The following C2orf69 variants were observed in gnomAD, a reference collection of about 807,000 sequenced individuals.
C2orf69 encodes chromosome 2 open reading frame 69, also known as mitochondrial protein C2orf69.
C2orf69 carries 19 observed loss-of-function variants against 29.5 expected under a neutral mutation model. That is an observed-to-expected ratio of 0.65 (90% CI 0.45 to 0.95). The LOEUF (loss-of-function observed/expected upper bound fraction) is 0.95. C2orf69 is among the 40% of genes least tolerant of loss of function. C2orf69 has a pLI of 0.00. For synonymous variants in C2orf69, 194 were observed against 180.0 expected, an observed-to-expected ratio of 1.08 and a Z score of -0.62; for missense variants, 416 against 482.1, an observed-to-expected ratio of 0.86 and a Z score of 1.28.
At chr2:199,922,384 G>A (rs1391073096) in intron 1 of C2orf69, among the ~76,000 whole-genome samples, 5 of 151,922 alleles carry the variant, frequency 3.3e-5, no homozygotes, top group African/African-American at 7.3e-5. Context: ...GTGAACCGCC[G>A]CCCCCAGCCT....
chr2:199,925,814 G>T lies in C2orf69; in HGVS notation c.1086G>T (p.Val362=), dbSNP rs1451180190. 1.2e-6 allele frequency: 2 copies of T among 1,613,696 alleles called. No homozygotes were observed. Among genetic ancestry groups the T allele is most frequent in the East Asian group, 4.5e-5 (2 of 44,870 alleles). The change falls in exon 2 of 2, where the codon GTG becomes GTT. Residue 362 remains valine (V), a synonymous_variant. Coordinates refer to ENST00000319974, the MANE Select transcript of C2orf69 (RefSeq NM_153689.6). The surrounding 1 kb of genome is among the most constrained non-coding windows in gnomAD (Gnocchi z 4.9). Reference sequence around the variant, plus strand: ...TACTTGGGGATCTTGGTATGCAGGTGACTAGCCAAATTCATTTTACAAAGG... The same window carrying T: ...TACTTGGGGATCTTGGTATGCAGGTTACTAGCCAAATTCATTTTACAAAGG... ...VQILGDLGMQ[V]TSQIHFTKEA...
Position 199,925,246 on chromosome 2 carries a change from G to C in C2orf69, c.518G>C (p.Gly173Ala), listed in dbSNP as rs1009579332. 1 of 1,612,170 alleles carries C rather than the reference G, an allele frequency of 6.2e-7. No individual in the cohort carries two copies. The highest frequency in any genetic ancestry group is 1.3e-5 in the African/African-American group (1 of 74,866). ...AATTTTGTGAAAAGTAACATGTTTG[G>C]TGCCCCAGAACACAATACTGACTTT... ...YDNFVKSNMF[G>A]APEHNTDFGA... The change falls in exon 2 of 2, where the codon GGT becomes GCT. Residue 173 changes from glycine (G) to alanine (A), a missense_variant. Transcript: ENST00000319974. The surrounding 1 kb of genome is among the most constrained non-coding windows in gnomAD (Gnocchi z 4.9).
At chr2:199,922,805 C>A (rs2077322083) in intron 1 of C2orf69, among the ~76,000 whole-genome samples, 1 of 152,188 alleles carries the variant, frequency 6.6e-6, no homozygotes, top group African/African-American at 2.4e-5. Context: ...TTTTAACGGT[C>A]TCCTTGCATC....
intron 1 of C2orf69, among the ~76,000 whole-genome samples, chr2:199,915,860 G>A (rs2077290892): frequency 6.6e-6 from 1 of 152,050 alleles, no homozygotes; most frequent in Non-Finnish European, 1.5e-5. Context: ...TTTGGTGTTT[G>A]TTAATTGGAA....
chr2:199,919,220 G>A (rs2077304858), intron 1 of C2orf69, among the ~76,000 whole-genome samples: 1 of 152,238 alleles, frequency 6.6e-6, no homozygotes, highest in Non-Finnish European at 1.5e-5. Context: ...CTCCCAAAGA[G>A]CTGGGATTGC....
At chr2:199,914,656 A>G (rs183388244) in intron 1 of C2orf69, among the ~76,000 whole-genome samples, 1 of 151,878 alleles carries the variant, frequency 6.6e-6, no homozygotes, top group East Asian at 1.9e-4. Flanking sequence ...CCTGTTACCT[A>G]TCTGACTTGG....
chr2:199,916,014 T>C (rs35220450), intron 1 of C2orf69, among the ~76,000 whole-genome samples: 18,959 of 152,226 alleles, frequency 0.12, 1,510 homozygotes, highest in Non-Finnish European at 0.18. Context: ...TAAGGCCATA[T>C]ATATTAGTCC....
intron 1 of C2orf69, among the ~76,000 whole-genome samples, chr2:199,912,330 A>T (rs1442900953): frequency 1.3e-5 from 2 of 152,146 alleles, no homozygotes; most frequent in Admixed American, 1.3e-4. Flanking sequence ...TTGCTTTTGC[A>T]TGTTATGTTT....
At chr2:199,918,531 T>C (rs1351233456) in intron 1 of C2orf69, among the ~76,000 whole-genome samples, 1 of 152,078 alleles carries the variant, frequency 6.6e-6, no homozygotes, top group African/African-American at 2.4e-5. Context: ...CTGGGTAATT[T>C]TTGTATTTTT....
intron 1 of C2orf69, among the ~76,000 whole-genome samples, chr2:199,913,330 T>C (rs2077279241): frequency 9.7e-6 from 1 of 102,802 alleles, no homozygotes; most frequent in Non-Finnish European, 1.8e-5. Context: ...ATATAATATA[T>C]ATTCTATTAT....
Position 199,925,778 on chromosome 2 carries a change from A to G in C2orf69, c.1050A>G (p.Lys350=). The G allele has an allele frequency of 1.2e-6, 2 of 1,613,898 alleles. No individual in the cohort carries two copies. The highest frequency in any genetic ancestry group is 1.7e-6 in the Non-Finnish European group (2 of 1,179,846). ...CTTGGATTGGAAAGGAGCACAAGAA[A>G]TTTGTTCAGATACTTGGGGATCTTG... ...MRSWIGKEHK[K]FVQILGDLGM... Residue 350 remains lysine, a synonymous_variant, in exon 2 of 2, where the codon AAA becomes AAG. Coordinates refer to ENST00000319974, the MANE Select transcript of C2orf69 (RefSeq NM_153689.6). The surrounding 1 kb of genome is among the most constrained non-coding windows in gnomAD (Gnocchi z 4.9).
In C2orf69 at chr2:199,911,350, A is replaced by G. The variant is rs2106636264; in HGVS notation, c.-89A>G. 1 of 1,360,992 alleles carries G rather than the reference A, an allele frequency of 7.3e-7. No individual in the cohort carries two copies. The highest frequency in any genetic ancestry group is 9.4e-7 in the Non-Finnish European group (1 of 1,061,372). 84.3% of individuals were successfully genotyped at this position (1,360,992 alleles called of 1,614,324 possible). On this transcript the variant is annotated 5_prime_UTR_variant, in exon 1 of 2. Transcript: ENST00000319974. ...GCCGGGCCGCGGCCGCCGACCGTTG[A>G]GCCGCCGGCTGAGCCGCCTGCTGAA...
In C2orf69 at chr2:199,925,084, G is replaced by A. The variant is rs767688764; in HGVS notation, c.356G>A (p.Arg119His). 9.3e-6 allele frequency: 15 copies of A among 1,606,120 alleles called. No homozygotes were observed. Among genetic ancestry groups the A allele is most frequent in the African/African-American group, 6.7e-5 (5 of 74,638 alleles). The change falls in exon 2 of 2, where the codon CGT becomes CAT. Residue 119 changes from arginine (R) to histidine (H), a missense_variant. This residue lies in a region of C2orf69 where 225 missense variants were observed against 307.3 expected (regional missense o/e 0.73). Transcript: ENST00000319974. The surrounding 1 kb of genome is among the most constrained non-coding windows in gnomAD (Gnocchi z 4.9). ...DVQNYHEIMTRHPENYQWENW... is the reference protein window; with the variant it reads ...DVQNYHEIMTHHPENYQWENW... ...CAGAATTACCATGAAATTATGACTCGTCATCCTGAGAATTATCAATGGGAA... is the reference window on the plus strand; with the variant it reads ...CAGAATTACCATGAAATTATGACTCATCATCCTGAGAATTATCAATGGGAA...
In C2orf69 at chr2:199,911,304, T is replaced by A. The variant is rs963595477; in HGVS notation, c.-135T>A. 17 of 1,091,002 alleles carry A rather than the reference T, an allele frequency of 1.6e-5. No homozygotes were observed. The African/African-American group carries it at 2.7e-4, about 17-fold the overall frequency. 67.6% of individuals were successfully genotyped at this position (1,091,002 alleles called of 1,614,324 possible). A position where few individuals can be genotyped will look rare whatever the true frequency, so the allele number is the denominator to read the frequency against. ...GCGCGGACGTCGGCCTCTGACGTCG[T>A]CGCCTCAGCGCCGGCTCCCGGCCGG... On this transcript the variant is annotated 5_prime_UTR_variant, in exon 1 of 2. Coordinates refer to ENST00000319974, the MANE Select transcript of C2orf69 (RefSeq NM_153689.6).
intron 1 of C2orf69, among the ~76,000 whole-genome samples, chr2:199,923,862 T>G (rs1431292661): frequency 6.6e-6 from 1 of 152,206 alleles, no homozygotes; most frequent in Non-Finnish European, 1.5e-5. Flanking sequence ...AGTTGTTTAT[T>G]GTGTATCTCT....
Position 199,925,161 on chromosome 2 carries a change from A to G in C2orf69, c.433A>G (p.Ser145Gly). Residue 145 changes from serine to glycine, a missense_variant, in exon 2 of 2, where the codon AGT (serine) becomes GGT (glycine). Transcript: ENST00000319974. The surrounding 1 kb of genome is among the most constrained non-coding windows in gnomAD (Gnocchi z 4.9). ...ATILAHRFPN[S>G]YIWVIKCSRM... Reference sequence around the variant, plus strand: ...CATTTTAGCCCACCGGTTCCCCAATAGTTATATTTGGGTGATAAAATGTTC... The same window carrying G: ...CATTTTAGCCCACCGGTTCCCCAATGGTTATATTTGGGTGATAAAATGTTC... 6.2e-7 allele frequency: 1 copy of G among 1,612,744 alleles called. No individual in the cohort carries two copies. The highest frequency in any genetic ancestry group is 8.5e-7 in the Non-Finnish European group (1 of 1,179,184).
rs1412455352 is a variant in C2orf69 at position 199,911,436 on chromosome 2, C to T, written c.-3C>T. The T allele has an allele frequency of 6.6e-7, 1 of 1,523,438 alleles. No individual in the cohort carries two copies. The highest frequency in any genetic ancestry group is 1.4e-5 in the African/African-American group (1 of 71,132). 94.4% of individuals were successfully genotyped at this position (1,523,438 alleles called of 1,614,324 possible). A position where few individuals can be genotyped will look rare whatever the true frequency, so the allele number is the denominator to read the frequency against. Reference sequence around the variant, plus strand: ...CTCCGAACCGCTCTCGCGGCGGCGACCCATGTGGGGGTTCAGGCTCCTGCG... The same window carrying T: ...CTCCGAACCGCTCTCGCGGCGGCGATCCATGTGGGGGTTCAGGCTCCTGCG... On this transcript the variant is annotated 5_prime_UTR_variant, in exon 1 of 2. Coordinates refer to ENST00000319974, the MANE Select transcript of C2orf69 (RefSeq NM_153689.6).
In C2orf69 at chr2:199,911,325, G is replaced by T; in HGVS notation, c.-114G>T. ...GTCGTCGCCTCAGCGCCGGCTCCCGGCCGGGCCGCGGCCGCCGACCGTTGA... is the reference window on the plus strand; with the variant it reads ...GTCGTCGCCTCAGCGCCGGCTCCCGTCCGGGCCGCGGCCGCCGACCGTTGA... On this transcript the variant is annotated 5_prime_UTR_variant, in exon 1 of 2. Coordinates refer to ENST00000319974, the MANE Select transcript of C2orf69 (RefSeq NM_153689.6). The T allele has an allele frequency of 7.8e-7, 1 of 1,281,228 alleles. No individual in the cohort carries two copies. Among genetic ancestry groups the T allele is most frequent in the Admixed American group, 3.9e-5 (1 of 25,964 alleles). The allele number at this position is 1,281,228 out of a possible 1,614,324, so 79.4% of individuals were successfully genotyped here.
chr2:199,919,751 G>T (rs1214977851), intron 1 of C2orf69, among the ~76,000 whole-genome samples: 2 of 152,154 alleles, frequency 1.3e-5, no homozygotes, highest in Non-Finnish European at 2.9e-5. Flanking sequence ...ACCTCTTAAA[G>T]ATCCCACCTC....
Sources: gnomAD v4.1 joint callset for allele counts (sites outside exome capture counted in the v4.1 genomes callset) on GRCh38, gnomAD v4.1.1 for gene constraint, gnomAD v4.1.1 regional missense constraint, Gnocchi (gnomAD v3.1) non-coding constraint, MANE v1.5 for transcripts, NCBI Gene and HGNC (gene_info 2026-07-23, HGNC 2026-07-21) for gene names.